The following PVT1 variants were observed in gnomAD, a reference collection of about 807,000 sequenced individuals.
The protein encoded by PVT1 is CXCR4/PVT1 fusion.
rs1303132024 is a variant in PVT1, at chr8:128,042,773, A to T, written n.913-27387A>T. Among the ~76,000 whole-genome samples, 3 of 150,946 alleles carry T rather than the reference A, an allele frequency of 2.0e-5. No homozygotes were observed. In the South Asian group the frequency reaches 6.3e-4, roughly 32 times the overall value. On this transcript the variant is annotated intron_variant and non_coding_transcript_variant, in intron 4 of 10. Coordinates refer to ENST00000651587, the Ensembl canonical transcript of PVT1. ...ATTTTATTTTATTTTATTTTATTTT[A>T]TTTTATTTTAAGAGAGATCTTGCTC...
At chr8:127,906,080 G>A (rs754739223) in intron 3 of PVT1, among the ~76,000 whole-genome samples, 26 of 152,236 alleles carry the variant, frequency 1.7e-4, no homozygotes, top group Non-Finnish European at 3.2e-4. Flanking sequence ...TTTGGAGAGG[G>A]TTAGGAACTT....
chr8:127,918,106 T>G (rs1343353373), intron 3 of PVT1, among the ~76,000 whole-genome samples: 1 of 152,270 alleles, frequency 6.6e-6, no homozygotes, highest in East Asian at 1.9e-4. Context: ...CTTTCATCTC[T>G]GCTCTCAAAG....
chr8:128,067,525 A>G (rs1813924989), intron 4 of PVT1, among the ~76,000 whole-genome samples: 1 of 152,212 alleles, frequency 6.6e-6, no homozygotes, highest in Non-Finnish European at 1.5e-5. Flanking sequence ...AAACTCAGAA[A>G]AGGAACACAC....
intron 2 of PVT1, among the ~76,000 whole-genome samples, chr8:127,856,347 A>G (rs1172657458): frequency 6.6e-6 from 1 of 151,108 alleles, no homozygotes; most frequent in Non-Finnish European, 1.5e-5. Context: ...ACATACGTAT[A>G]TATTTTTTTT....
intron 3 of PVT1, among the ~76,000 whole-genome samples, chr8:127,894,506 G>A (rs1414752726): frequency 6.6e-6 from 1 of 152,208 alleles, no homozygotes; most frequent in African/African-American, 2.4e-5. Context: ...CCATCTGTCA[G>A]CCTTGACACC....
intron 3 of PVT1, among the ~76,000 whole-genome samples, chr8:127,913,948 G>A (rs574671418): frequency 3.1e-4 from 47 of 152,156 alleles, no homozygotes; most frequent in African/African-American, 1.1e-3. Context: ...GCAGAATCCA[G>A]CAGCCCCCTG....
chr8:127,817,875 A>G (rs1010419891), intron 2 of PVT1, among the ~76,000 whole-genome samples: 2 of 152,086 alleles, frequency 1.3e-5, no homozygotes, highest in Non-Finnish European at 2.9e-5. Flanking sequence ...GAAAAAATAG[A>G]GAGAGAAAGA....
intron 3 of PVT1, among the ~76,000 whole-genome samples, chr8:127,913,655 C>T (rs114970832): frequency 0.01 from 1,561 of 152,184 alleles, 20 homozygotes; most frequent in African/African-American, 0.034. Context: ...AGCCTCTCCC[C>T]GACTGTGCAC....
intron 3 of PVT1, among the ~76,000 whole-genome samples, chr8:127,927,167 T>C (rs1261741656): frequency 6.6e-6 from 1 of 152,206 alleles, no homozygotes; most frequent in African/African-American, 2.4e-5. Context: ...ACTTCTTCTA[T>C]GAAAATGGGA....
At chr8:128,046,026 T>C (rs1813607988) in intron 4 of PVT1, among the ~76,000 whole-genome samples, 1 of 152,206 alleles carries the variant, frequency 6.6e-6, no homozygotes, top group Admixed American at 6.5e-5. Context: ...ATCCCTGTTA[T>C]AGGGATTCTG....
intron 5 of PVT1, among the ~76,000 whole-genome samples, chr8:128,074,993 A>G (rs1368820102): frequency 1.3e-5 from 2 of 152,366 alleles, no homozygotes; most frequent in East Asian, 3.9e-4. Context: ...CTCTCCGTTC[A>G]TGGGGGTTAT....
At chr8:127,795,654 A>T (rs1405062880) in intron 1 of PVT1, 1 of 152,094 alleles carries the variant, frequency 6.6e-6, no homozygotes, top group African/African-American at 2.4e-5. Flanking sequence ...AGGAAAAAAA[A>T]ACTCTAGAGA....
intron 4 of PVT1, among the ~76,000 whole-genome samples, chr8:128,015,177 G>A (rs1000454259): frequency 1.3e-5 from 2 of 151,846 alleles, no homozygotes; most frequent in African/African-American, 4.8e-5. Flanking sequence ...GCAACCTCTG[G>A]TATCTGGGTT....
chr8:127,855,131 G>A (rs554051921), intron 2 of PVT1: 12 of 398,640 alleles, frequency 3.0e-5, no homozygotes, highest in Non-Finnish European at 4.9e-5. Context: ...TTTCTCCCAC[G>A]TGGCTGCTGG....
intron 2 of PVT1, among the ~76,000 whole-genome samples, chr8:127,868,040 A>G (rs1815303045): frequency 6.6e-6 from 1 of 152,236 alleles, no homozygotes; most frequent in Non-Finnish European, 1.5e-5. Flanking sequence ...TTTTAAAATA[A>G]TCTTTTTCTT....
intron 3 of PVT1, among the ~76,000 whole-genome samples, chr8:127,937,864 A>AT (rs1314676687): frequency 6.6e-6 from 1 of 152,156 alleles, no homozygotes; most frequent in African/African-American, 2.4e-5. Flanking sequence ...GAGGGAAGAC[A>AT]TTTTTTAGTC....
chr8:127,795,348 G>T (rs999706923), intron 1 of PVT1, among the ~76,000 whole-genome samples: 3 of 152,104 alleles, frequency 2.0e-5, no homozygotes, highest in African/African-American at 4.8e-5. Context: ...TGTGGTTCTG[G>T]GTGTAGACTT....
At chr8:127,849,718 C>T (rs1039293389) in intron 2 of PVT1, among the ~76,000 whole-genome samples, 2 of 123,148 alleles carry the variant, frequency 1.6e-5, no homozygotes, top group African/African-American at 7.0e-5. Flanking sequence ...CCTGCGTGCA[C>T]GTGCGTGGGT....
intron 3 of PVT1, among the ~76,000 whole-genome samples, chr8:127,902,311 A>G (rs951879598): frequency 1.3e-5 from 2 of 152,172 alleles, no homozygotes; most frequent in Non-Finnish European, 2.9e-5. Flanking sequence ...GACAGTTCAC[A>G]AGTCATTTCT....
Sources: gnomAD v4.1 joint callset for allele counts (sites outside exome capture counted in the v4.1 genomes callset) on GRCh38, gnomAD v4.1.1 for gene constraint, MANE v1.5 for transcripts, NCBI Gene and HGNC (gene_info 2026-07-23, HGNC 2026-07-21) for gene names.